The following HIVEP1 variants were observed in gnomAD, a reference collection of about 807,000 sequenced individuals.
HIVEP1 encodes zinc finger protein 40.
A neutral mutation model predicts 180.0 loss-of-function variants in HIVEP1; 36 were observed. The observed-to-expected ratio is 0.20, with a 90% confidence interval of 0.15 to 0.26. HIVEP1 has a LOEUF of 0.26. Among genes scored for constraint, HIVEP1 ranks in the 10% least tolerant of loss-of-function variants. HIVEP1 has a pLI of 1.00. For missense variants in HIVEP1, 3,143 were observed against 3,268.7 expected, an observed-to-expected ratio of 0.96 and a Z score of 0.94; for synonymous variants, 1,239 against 1,239.0, an observed-to-expected ratio of 1.00 and a Z score of 0.00.
chr6:12,107,946 A>G (rs1747016341), intron 3 of HIVEP1, among the ~76,000 whole-genome samples: 1 of 152,180 alleles, frequency 6.6e-6, no homozygotes, highest in Admixed American at 6.5e-5. Flanking sequence ...AGCTAGATAC[A>G]GAGTGTGGAC....
At chr6:12,089,268 T>A (rs1356307589) in intron 3 of HIVEP1, 31 bp downstream of exon 3, 2 of 1,325,900 alleles carry the variant, frequency 1.5e-6, no homozygotes, top group East Asian at 2.3e-5. Flanking sequence ...ATGTAAACTT[T>A]ATTCTTGCAA....
At chr6:12,013,815 G>C (rs895406213) in intron 1 of HIVEP1, among the ~76,000 whole-genome samples, 4 of 103,308 alleles carry the variant, frequency 3.9e-5, no homozygotes, top group Admixed American at 9.7e-5. Context: ...GAAATACTTA[G>C]ACCATCATTT....
At chr6:12,211,065 C>T in the HIVEP1 span, among the ~76,000 whole-genome samples, 1 of 151,544 alleles carries the variant, frequency 6.6e-6, no homozygotes, top group Non-Finnish European at 1.5e-5. Context: ...GGGGAAGCTA[C>T]ATAGACTGTC....
At chr6:12,185,336 A>G in the HIVEP1 span, among the ~76,000 whole-genome samples, 8 of 152,334 alleles carry the variant, frequency 5.3e-5, no homozygotes, top group South Asian at 1.5e-3. Context: ...AGGCATATCC[A>G]GAGAGGAAAA....
chr6:12,155,244 A>G (rs1293901829), intron 7 of HIVEP1, among the ~76,000 whole-genome samples: 1 of 152,058 alleles, frequency 6.6e-6, no homozygotes, highest in Non-Finnish European at 1.5e-5. Context: ...ATATTTAGAG[A>G]TGTGTTCTTT....
intron 2 of HIVEP1, among the ~76,000 whole-genome samples, chr6:12,035,881 A>G (rs1461755020): frequency 2.0e-5 from 3 of 152,216 alleles, no homozygotes; most frequent in Non-Finnish European, 2.9e-5. Flanking sequence ...TAAACTGCTT[A>G]TTTCAGAACT....
chr6:12,110,220 G>A (rs1774795904), intron 3 of HIVEP1, among the ~76,000 whole-genome samples: 1 of 152,194 alleles, frequency 6.6e-6, no homozygotes, highest in African/African-American at 2.4e-5. Context: ...TGGATTTTCA[G>A]AATAGTAGAT....
At chr6:12,105,375 C>G (rs901077063) in intron 3 of HIVEP1, among the ~76,000 whole-genome samples, 1 of 152,172 alleles carries the variant, frequency 6.6e-6, no homozygotes, top group Non-Finnish European at 1.5e-5. Flanking sequence ...TTTAGCTGCT[C>G]TTTTGAATAG....
upstream of HIVEP1, among the ~76,000 whole-genome samples, chr6:12,011,538 A>T (rs3902984): frequency 6.9e-5 from 10 of 145,494 alleles, no homozygotes; most frequent in African/African-American, 2.3e-4. Context: ...GTCGCGACCC[A>T]GGGCTCCCGC....
Position 12,150,276 on chromosome 6 carries a change from C to T in HIVEP1, c.6488-11163C>T, listed in dbSNP as rs909894139. Among the ~76,000 whole-genome samples, 21 of 152,240 alleles carry T rather than the reference C, an allele frequency of 1.4e-4. 2 individuals carry two copies. The highest frequency in any genetic ancestry group is 4.8e-4 in the African/African-American group (20 of 41,538). On this transcript the variant is annotated intron_variant, in intron 7 of 8. Coordinates refer to ENST00000379388, the MANE Select transcript of HIVEP1 (RefSeq NM_002114.4). ...TCACCTTTTGTGTCAAAATTCAAGC[C>T]GCCAGCAATTTGCTTTTCATCCTTT...
At chr6:12,044,152 A>C (rs1297564146) in intron 2 of HIVEP1, among the ~76,000 whole-genome samples, 1 of 152,134 alleles carries the variant, frequency 6.6e-6, no homozygotes, top group Non-Finnish European at 1.5e-5. Flanking sequence ...GGCACGGCGC[A>C]AATGGGTTTC....
At chr6:12,158,699 C>T (rs940284770) in intron 7 of HIVEP1, among the ~76,000 whole-genome samples, 3 of 152,126 alleles carry the variant, frequency 2.0e-5, no homozygotes, top group Non-Finnish European at 2.9e-5. Context: ...CTGTCCCTCC[C>T]CAAGGAGACA....
chr6:12,067,950 C>T (rs561307954), intron 2 of HIVEP1, among the ~76,000 whole-genome samples: 5 of 152,014 alleles, frequency 3.3e-5, no homozygotes, highest in Non-Finnish European at 5.9e-5. Context: ...CCATTGTATT[C>T]ATTTTATTTT....
At chr6:12,050,229 C>A (rs1255362953) in intron 2 of HIVEP1, among the ~76,000 whole-genome samples, 2 of 152,190 alleles carry the variant, frequency 1.3e-5, no homozygotes, top group Admixed American at 1.3e-4. Flanking sequence ...GCCAGATAAG[C>A]CTTAGCATCC....
chr6:12,129,799 G>A lies in HIVEP1; in HGVS notation c.6116G>A (p.Ser2039Asn), dbSNP rs773258944. The change falls in exon 5 of 9, where the codon AGC becomes AAC. Residue 2039 changes from serine (S) to asparagine (N), a missense_variant. Physicochemically the swap from Ser to Asn is conservative, Grantham distance 46. This residue lies in a region of HIVEP1 where 1,357 missense variants were observed against 1,260.5 expected (regional missense o/e 1.08). Transcript: ENST00000379388. ...CAAAAGTCCACAGTAGTTGAATTCA[G>A]CAATAAAGATGCCTCTGAAATTAAC... ...GNQKSTVVEFSNKDASEINSE... is the reference protein window; with the variant it reads ...GNQKSTVVEFNNKDASEINSE... The A allele has an allele frequency of 1.4e-5, 22 of 1,599,968 alleles. 1 individual carries two copies. In the Middle Eastern group the frequency reaches 5.0e-4, roughly 36 times the overall value.
At chr6:12,058,780 C>T (rs78147500) in intron 2 of HIVEP1, among the ~76,000 whole-genome samples, 7 of 152,134 alleles carry the variant, frequency 4.6e-5, no homozygotes, top group South Asian at 2.1e-4. Context: ...ATACAAGTCA[C>T]GTGGGGCTGA....
intron 7 of HIVEP1, among the ~76,000 whole-genome samples, chr6:12,148,133 A>G (rs1236076099): frequency 1.3e-5 from 2 of 152,254 alleles, no homozygotes; most frequent in African/African-American, 4.8e-5. Flanking sequence ...TAGGAGTAGA[A>G]GAAGTGGCTG....
chr6:12,190,261 T>G, the HIVEP1 span, among the ~76,000 whole-genome samples: 3 of 152,224 alleles, frequency 2.0e-5, no homozygotes, highest in Admixed American at 6.5e-5. Flanking sequence ...GTATCATTTT[T>G]AAAAATAGAA....
chr6:12,172,181 A>G, the HIVEP1 span, among the ~76,000 whole-genome samples: 1 of 152,230 alleles, frequency 6.6e-6, no homozygotes, highest in African/African-American at 2.4e-5. Context: ...GACATTTAAC[A>G]AAAGTTTTCT....
Sources: allele counts gnomAD v4.1 joint callset (sites outside exome capture counted in the v4.1 genomes callset), GRCh38; gene constraint gnomAD v4.1.1; regional missense constraint gnomAD v4.1.1; transcripts MANE v1.5; gene names NCBI Gene and HGNC (gene_info 2026-07-23, HGNC 2026-07-21).